FGF13: variants seen among roughly 807,000 people sequenced by gnomAD.
FGF13 encodes fibroblast growth factor 13.
FGF13 carries 2 observed loss-of-function variants against 19.5 expected under a neutral mutation model. That is an observed-to-expected ratio of 0.10 (90% CI 0.04 to 0.32). The LOEUF (loss-of-function observed/expected upper bound fraction) is 0.32, where lower values mean the gene tolerates loss of function less well. Ranked by LOEUF, FGF13 falls within the 10% of genes least tolerant of loss-of-function variation. FGF13 has a pLI of 1.00. For missense variants in FGF13, 113 were observed against 192.7 expected (o/e 0.59, Z 2.45); for synonymous variants, 72 against 76.9 (o/e 0.94, Z 0.33).
At chrX:139,187,057 A>G (rs2084288233) in intron 1 of FGF13, among the ~76,000 whole-genome samples, 1 of 112,893 alleles carries the variant, frequency 8.9e-6, no homozygotes, top group South Asian at 3.6e-4. Flanking sequence ...GACACTCTGT[A>G]GCTTGGTCAC....
chrX:138,908,520 A>G lies in FGF13; in HGVS notation c.-112-43870T>C, dbSNP rs773751405. Among the ~76,000 whole-genome samples, 3 of 109,497 alleles carry G rather than the reference A, an allele frequency of 2.7e-5. No individual in the cohort carries two copies. The South Asian group carries it at 1.2e-3, about 43-fold the overall frequency. The stretch of plus-strand genomic sequence containing the variant: ...TTGAAGCCAGGTACAGTCCCTTTTG[A>G]GGGTCCTTAGTTTTCCCATCTGTAA... On this transcript the variant is annotated intron_variant, in intron 1 of 2. Transcript: ENST00000421460.
downstream of FGF13, among the ~76,000 whole-genome samples, chrX:138,854,789 C>A (rs1421558699): frequency 9.0e-6 from 1 of 111,075 alleles, no homozygotes; most frequent in Non-Finnish European, 1.9e-5. Context: ...TACTAGCATA[C>A]GGGCATTGCA....
At chrX:138,995,276 T>C (rs1357949777) in intron 1 of FGF13, among the ~76,000 whole-genome samples, 3 of 111,499 alleles carry the variant, frequency 2.7e-5, no homozygotes, top group African/African-American at 9.8e-5. Flanking sequence ...GTGGATTGAG[T>C]ACTTATTTTA....
At chrX:138,969,494 G>A (rs1251471402) in intron 1 of FGF13, among the ~76,000 whole-genome samples, 1 of 111,609 alleles carries the variant, frequency 9.0e-6, no homozygotes, top group Admixed American at 9.5e-5. Context: ...GAGAAGAATC[G>A]AATAGGACAT....
rs1049989593 is a variant in FGF13 at position 138,628,771 on chromosome X, G to C, written c.*4079C>G. The C allele has an allele frequency of 2.7e-5, 3 of 111,617 alleles. No individual in the cohort carries two copies. Among genetic ancestry groups the C allele is most frequent in the African/African-American group, 9.8e-5 (3 of 30,686 alleles). 9.2% of individuals were successfully genotyped at this position (111,617 alleles called of 1,213,427 possible). On this transcript the variant is annotated 3_prime_UTR_variant, in exon 5 of 5. Coordinates refer to ENST00000315930, the MANE Select transcript of FGF13 (RefSeq NM_004114.5). ...CTTTGAAAAACTCTTCGGTGAGCTT[G>C]ACTGGCTTAAAACTGGAACAAATGT...
At chrX:138,712,470 AT>A (rs1360276682), upstream of FGF13, among the ~76,000 whole-genome samples, 1 of 110,135 alleles carries the variant, frequency 9.1e-6, no homozygotes, top group Non-Finnish European at 1.9e-5. Flanking sequence ...CTCCTAACTT[AT>A]TTTTTTCTGC....
intron 1 of FGF13, among the ~76,000 whole-genome samples, chrX:138,951,885 T>A (rs935263499): frequency 2.7e-5 from 3 of 110,713 alleles, no homozygotes; most frequent in Non-Finnish European, 5.7e-5. Flanking sequence ...TCTAGGTAAA[T>A]AAACAAGAGA....
intron 1 of FGF13, among the ~76,000 whole-genome samples, chrX:138,727,421 TAAAG>T (rs1351203680): frequency 9.0e-6 from 1 of 110,698 alleles, no homozygotes; most frequent in East Asian, 2.9e-4. Context: ...CTGAAGCACA[TAAAG>T]AAAGCTATCA....
At chrX:138,999,678 A>G (rs1449568477) in intron 1 of FGF13, among the ~76,000 whole-genome samples, 1 of 112,066 alleles carries the variant, frequency 8.9e-6, no homozygotes, top group Non-Finnish European at 1.9e-5. Context: ...AGGTTTTGAA[A>G]TTGAGGCAGT....
chrX:138,624,740 G>A lies in FGF13; in HGVS notation c.*8110C>T, dbSNP rs1165591116. 9.0e-6 allele frequency: 1 copy of A among 111,142 alleles called. No homozygotes were observed. The highest frequency in any genetic ancestry group is 3.3e-5 in the African/African-American group (1 of 30,434). The allele number at this position is 111,142 out of a possible 1,213,427, so 9.2% of individuals were successfully genotyped here. A position where few individuals can be genotyped will look rare whatever the true frequency, so the allele number is the denominator to read the frequency against. On this transcript the variant is annotated 3_prime_UTR_variant, in exon 5 of 5. Transcript: ENST00000315930. ...ACTAAAAATACAAAAACTGAGGTGG[G>A]AGGATCACCTGATCCTGGGGAGGTC...
At chrX:138,874,045 C>T (rs1252192623) in intron 1 of FGF13, among the ~76,000 whole-genome samples, 1 of 103,219 alleles carries the variant, frequency 9.7e-6, no homozygotes, top group Non-Finnish European at 2.0e-5. Context: ...AGGAGATATA[C>T]CTAATGAAAA....
At chrX:139,145,242 G>A (rs904975284) in intron 1 of FGF13, among the ~76,000 whole-genome samples, 2 of 111,203 alleles carry the variant, frequency 1.8e-5, no homozygotes, top group African/African-American at 6.5e-5. Context: ...AGGGACTCTA[G>A]TGAGGAGGAA....
At chrX:138,689,980 A>G (rs2089822782) in intron 3 of FGF13, among the ~76,000 whole-genome samples, 1 of 112,296 alleles carries the variant, frequency 8.9e-6, no homozygotes, top group African/African-American at 3.2e-5. Flanking sequence ...GTTCAAGCAA[A>G]TAATTATTTT....
chrX:138,768,843 G>A (rs2090524129), intron 3 of FGF13, among the ~76,000 whole-genome samples: 1 of 107,202 alleles, frequency 9.3e-6, no homozygotes, highest in Admixed American at 1.0e-4. Flanking sequence ...TTTTATTTTG[G>A]TCTATGTGTG....
chrX:138,908,386 T>C (rs937288635), intron 1 of FGF13, among the ~76,000 whole-genome samples: 1 of 90,238 alleles, frequency 1.1e-5, no homozygotes, highest in Non-Finnish European at 2.4e-5. Flanking sequence ...CATCATTTTC[T>C]TTTTTTTTTT....
chrX:139,084,446 T>C (rs2083391100), intron 1 of FGF13, among the ~76,000 whole-genome samples: 1 of 111,737 alleles, frequency 8.9e-6, no homozygotes, highest in Non-Finnish European at 1.9e-5. Context: ...GTTCACTCCT[T>C]AGATGCTCTC....
chrX:138,883,230 T>C (rs748775199), intron 1 of FGF13, among the ~76,000 whole-genome samples: 1 of 112,075 alleles, frequency 8.9e-6, no homozygotes, highest in Non-Finnish European at 1.9e-5. Flanking sequence ...ATTCCTGAGA[T>C]TGCAGAAGTA....
chrX:138,959,275 T>C (rs1011870081), intron 1 of FGF13, among the ~76,000 whole-genome samples: 19 of 112,065 alleles, frequency 1.7e-4, no homozygotes, highest in African/African-American at 6.2e-4. Context: ...CATTTCGTTA[T>C]GTACCCAGGA....
chrX:139,046,075 G>A (rs1337092445), intron 1 of FGF13, among the ~76,000 whole-genome samples: 3 of 111,646 alleles, frequency 2.7e-5, no homozygotes, highest in Non-Finnish European at 1.9e-5. Context: ...AAAGAAAACA[G>A]GCTTAATTGG....
Sources: gnomAD v4.1 joint callset for allele counts (sites outside exome capture counted in the v4.1 genomes callset) on GRCh38, gnomAD v4.1.1 for gene constraint, MANE v1.5 for transcripts, NCBI Gene and HGNC (gene_info 2026-07-23, HGNC 2026-07-21) for gene names.